The following LINGO2 variants were observed in gnomAD, a reference collection of about 807,000 sequenced individuals.
The protein encoded by LINGO2 is leucine-rich repeat and immunoglobulin-like domain-containing nogo receptor-interacting protein 2.
In LINGO2, 14 loss-of-function variants were observed where a neutral mutation model predicts 30.6. The observed-to-expected ratio is 0.46, with a 90% confidence interval of 0.30 to 0.72. The LOEUF (loss-of-function observed/expected upper bound fraction) is 0.72. Among genes scored for constraint, LINGO2 ranks in the 30% least tolerant of loss-of-function variants. The probability of loss-of-function intolerance (pLI) is 0.07; values close to 1 mark genes in which losing one functional copy is unlikely to be tolerated. For missense variants in LINGO2, 729 were observed against 751.7 expected, an observed-to-expected ratio of 0.97 and a Z score of 0.35; for synonymous variants, 317 against 288.5, an observed-to-expected ratio of 1.10 and a Z score of -1.00.
the LINGO2 span, among the ~76,000 whole-genome samples, chr9:29,034,249 CG>C: frequency 6.6e-6 from 1 of 151,912 alleles, no homozygotes; most frequent in Non-Finnish European, 1.5e-5. Flanking sequence ...TTTGTAAACA[CG>C]TATCTAAAAA....
chr9:29,159,249 T>A, the LINGO2 span, among the ~76,000 whole-genome samples: 1 of 152,138 alleles, frequency 6.6e-6, no homozygotes, highest in Non-Finnish European at 1.5e-5. Flanking sequence ...CAGCAAATTC[T>A]CTTCCTGACC....
At chr9:28,427,171 T>C (rs1264536524) in intron 2 of LINGO2, among the ~76,000 whole-genome samples, 4 of 152,092 alleles carry the variant, frequency 2.6e-5, no homozygotes, top group Non-Finnish European at 5.9e-5. Flanking sequence ...TTAGGTTAGA[T>C]GCTGCAAGGG....
intron 4 of LINGO2, among the ~76,000 whole-genome samples, chr9:28,195,926 C>G (rs1169774021): frequency 2.0e-5 from 3 of 151,476 alleles, no homozygotes; most frequent in Non-Finnish European, 4.4e-5. Context: ...TTAGTCAGCA[C>G]TATAAAATAA....
intron 1 of LINGO2, among the ~76,000 whole-genome samples, chr9:28,553,386 G>A (rs937902453): frequency 1.3e-5 from 2 of 152,088 alleles, no homozygotes; most frequent in African/African-American, 2.4e-5. Context: ...TCAATTGGAA[G>A]AAAGGGTATC....
intron 4 of LINGO2, among the ~76,000 whole-genome samples, chr9:28,258,961 G>A (rs1587341935): frequency 6.6e-6 from 1 of 151,472 alleles, no homozygotes; most frequent in East Asian, 1.9e-4. Context: ...GAAAATCATA[G>A]GAGGATTGGT....
chr9:28,912,802 C>A, the LINGO2 span, among the ~76,000 whole-genome samples: 3 of 152,146 alleles, frequency 2.0e-5, no homozygotes, highest in Non-Finnish European at 4.4e-5. Flanking sequence ...TAAATCAAAT[C>A]ATCTCAACTA....
chr9:29,205,275 G>A, the LINGO2 span, among the ~76,000 whole-genome samples: 5 of 151,990 alleles, frequency 3.3e-5, no homozygotes, highest in African/African-American at 7.2e-5. Flanking sequence ...TCTTGACCTC[G>A]GTATCCACCC....
At chr9:29,004,519 T>C in the LINGO2 span, among the ~76,000 whole-genome samples, 1 of 151,968 alleles carries the variant, frequency 6.6e-6, no homozygotes, top group Non-Finnish European at 1.5e-5. Context: ...CACATACATA[T>C]ATTATGTAAT....
the LINGO2 span, among the ~76,000 whole-genome samples, chr9:29,057,281 C>A: frequency 6.6e-6 from 1 of 151,916 alleles, no homozygotes; most frequent in Non-Finnish European, 1.5e-5. Flanking sequence ...AAAATAAACT[C>A]TAATTTTGAT....
chr9:28,405,892 G>A (rs1418548902), intron 2 of LINGO2, among the ~76,000 whole-genome samples: 1 of 151,832 alleles, frequency 6.6e-6, no homozygotes, highest in African/African-American at 2.4e-5. Flanking sequence ...TAGACTAAAG[G>A]TTACCTCATT....
chr9:28,408,611 G>A (rs7854718), intron 2 of LINGO2, among the ~76,000 whole-genome samples: 128,822 of 140,062 alleles, frequency 0.92, 59,355 homozygotes, highest in East Asian at 1. Context: ...CACACACCAC[G>A]GACTGTTGTG....
chr9:29,010,219 G>C, the LINGO2 span, among the ~76,000 whole-genome samples: 6 of 152,182 alleles, frequency 3.9e-5, no homozygotes, highest in Non-Finnish European at 7.3e-5. Context: ...CACAGCAAAA[G>C]AAACTACCGT....
chr9:28,178,273 A>G (rs923607545), intron 4 of LINGO2, among the ~76,000 whole-genome samples: 2 of 152,178 alleles, frequency 1.3e-5, no homozygotes, highest in African/African-American at 2.4e-5. Context: ...ACGGTAGCGT[A>G]TACATTATAT....
the LINGO2 span, among the ~76,000 whole-genome samples, chr9:29,010,690 T>A: frequency 6.6e-6 from 1 of 152,174 alleles, no homozygotes; most frequent in Non-Finnish European, 1.5e-5. Context: ...TAGAATTAGA[T>A]AATTTTTTCT....
chr9:28,901,638 G>T, the LINGO2 span, among the ~76,000 whole-genome samples: 1 of 151,526 alleles, frequency 6.6e-6, no homozygotes, highest in Non-Finnish European at 1.5e-5. Flanking sequence ...GCTTAAAAGA[G>T]CATATTATAC....
the LINGO2 span, among the ~76,000 whole-genome samples, chr9:28,865,299 G>A: frequency 6.6e-6 from 1 of 152,074 alleles, no homozygotes; most frequent in Non-Finnish European, 1.5e-5. Flanking sequence ...GAATAATGAG[G>A]CAACCTGTCT....
At chr9:29,071,783 A>G in the LINGO2 span, among the ~76,000 whole-genome samples, 1 of 151,850 alleles carries the variant, frequency 6.6e-6, no homozygotes, top group African/African-American at 2.4e-5. Context: ...AGTCACACAT[A>G]CCCTGAGTAG....
intron 1 of LINGO2, among the ~76,000 whole-genome samples, chr9:28,618,151 G>C (rs929027542): frequency 6.6e-6 from 1 of 152,042 alleles, no homozygotes; most frequent in Non-Finnish European, 1.5e-5. Flanking sequence ...GAGTAATCTT[G>C]GGCAAATTAG....
the LINGO2 span, among the ~76,000 whole-genome samples, chr9:28,823,493 G>C: frequency 1.3e-5 from 2 of 152,118 alleles, no homozygotes; most frequent in Admixed American, 6.6e-5. Context: ...CTCTGAACCT[G>C]GGTTGGCCTT....
Sources: gnomAD v4.1 joint callset for allele counts (sites outside exome capture counted in the v4.1 genomes callset) on GRCh38, gnomAD v4.1.1 for gene constraint, MANE v1.5 for transcripts, NCBI Gene and HGNC (gene_info 2026-07-23, HGNC 2026-07-21) for gene names.